The following PPARGC1B variants were observed in gnomAD, a reference collection of about 807,000 sequenced individuals.
The protein encoded by PPARGC1B is PPARG coactivator 1 beta.
Under a neutral mutation model 101.6 loss-of-function variants are expected in PPARGC1B, and 34 were observed. The ratio of observed to expected loss-of-function variants is 0.33; its 90% CI spans 0.25 to 0.45. The LOEUF is 0.45. Among genes scored for constraint, PPARGC1B ranks in the 20% least tolerant of loss-of-function variants. The pLI, the probability that PPARGC1B is intolerant of heterozygous loss-of-function variation, is 1.00. For missense variants in PPARGC1B, 1,234 were observed against 1,317.6 expected (o/e 0.94, Z 0.98); for synonymous variants, 548 against 539.3 (o/e 1.02, Z -0.22).
At chr5:149,844,508 A>G (rs1340360678) in intron 10 of PPARGC1B, among the ~76,000 whole-genome samples, 2 of 152,188 alleles carry the variant, frequency 1.3e-5, no homozygotes, top group Non-Finnish European at 2.9e-5. Context: ...GCGTGGTGGC[A>G]CATGCCTGTA....
intron 1 of PPARGC1B, among the ~76,000 whole-genome samples, chr5:149,799,503 C>G (rs1757349236): frequency 6.6e-6 from 1 of 152,024 alleles, no homozygotes; most frequent in Non-Finnish European, 1.5e-5. Context: ...AAGGGAGACC[C>G]TGGAAGCCCG....
chr5:149,852,061 TCAG>T lies in PPARGC1B; in HGVS notation c.*4510_*4512del, dbSNP rs945837921. On this transcript the variant is annotated 3_prime_UTR_variant, in exon 12 of 12. Coordinates refer to ENST00000309241, the MANE Select transcript of PPARGC1B (RefSeq NM_133263.4). ...GAGAGCAGAGATGCCTTTGGAGATG[TCAG>T]CAGCAGGAGAGCCAGTGCTGGGGCC... The T allele has an allele frequency of 2.6e-5, 4 of 152,290 alleles. No homozygotes were observed. The highest frequency in any genetic ancestry group is 9.7e-5 in the African/African-American group (4 of 41,438). The allele number at this position is 152,290 out of a possible 1,614,324, so 9.4% of individuals were successfully genotyped here.
chr5:149,766,621 T>G (rs1755920871), intron 1 of PPARGC1B, among the ~76,000 whole-genome samples: 2 of 152,194 alleles, frequency 1.3e-5, no homozygotes, highest in Non-Finnish European at 2.9e-5. Flanking sequence ...GTTCCTGGAT[T>G]CTAGAGGGTG....
intron 1 of PPARGC1B, among the ~76,000 whole-genome samples, chr5:149,756,364 A>C (rs892757512): frequency 6.6e-6 from 1 of 152,138 alleles, no homozygotes; most frequent in African/African-American, 2.4e-5. Flanking sequence ...AGGCAGGAGA[A>C]TCACTTGAAC....
intron 1 of PPARGC1B, among the ~76,000 whole-genome samples, chr5:149,806,597 G>T (rs1242926259): frequency 1.1e-5 from 1 of 89,248 alleles, no homozygotes; most frequent in Non-Finnish European, 2.2e-5. Flanking sequence ...TGTTTTTTTA[G>T]GTCTCTGGGA....
chr5:149,732,033 G>A (rs1331296740), intron 1 of PPARGC1B, among the ~76,000 whole-genome samples: 1 of 137,820 alleles, frequency 7.3e-6, no homozygotes, highest in Non-Finnish European at 1.6e-5. Context: ...TGATGAGCGG[G>A]TTGCGCGCGC....
chr5:149,757,045 A>G (rs911046343), intron 1 of PPARGC1B, among the ~76,000 whole-genome samples: 8 of 152,212 alleles, frequency 5.3e-5, no homozygotes, highest in African/African-American at 1.9e-4. Flanking sequence ...AGAGGCGGAA[A>G]ATACACAAGA....
intron 1 of PPARGC1B, among the ~76,000 whole-genome samples, chr5:149,795,670 A>G (rs536178519): frequency 2.0e-5 from 3 of 152,246 alleles, no homozygotes; most frequent in South Asian, 2.1e-4. Context: ...GCAGCTTCTG[A>G]GCGGGATGAG....
intron 1 of PPARGC1B, among the ~76,000 whole-genome samples, chr5:149,799,693 GT>G (rs11371560): frequency 0.028 from 2,156 of 76,398 alleles, 77 homozygotes; most frequent in African/African-American, 0.11. Context: ...GCTTGTTGTT[GT>G]TTTTTTTTTT....
chr5:149,780,062 G>A (rs551636440), intron 1 of PPARGC1B, among the ~76,000 whole-genome samples: 2 of 152,214 alleles, frequency 1.3e-5, no homozygotes, highest in African/African-American at 4.8e-5. Flanking sequence ...CCACCTAGGG[G>A]AGTGTAAGGA....
chr5:149,833,841 C>T lies in PPARGC1B; in HGVS notation c.1705+63C>T. ...ATGGGGTGCAGCATGCCCCTCTGCA[C>T]TGGGAGCCAGGAGCCCTGTGTTCAA... On this transcript the variant is annotated intron_variant, in intron 5 of 11. Transcript: ENST00000309241. This position sits in a 1 kb window ranked among gnomAD's most constrained non-coding sequence, Gnocchi z 4.1. 3 of 1,429,822 alleles carry T rather than the reference C, an allele frequency of 2.1e-6. No homozygotes were observed. Among genetic ancestry groups the T allele is most frequent in the Non-Finnish European group, 2.7e-6 (3 of 1,096,164 alleles). The allele number at this position is 1,429,822 out of a possible 1,614,324, so 88.6% of individuals were successfully genotyped here.
At chr5:149,786,168 C>A (rs1756801496) in intron 1 of PPARGC1B, among the ~76,000 whole-genome samples, 1 of 152,160 alleles carries the variant, frequency 6.6e-6, no homozygotes, top group Admixed American at 6.5e-5. Context: ...TCTCCGCTCA[C>A]TGCAACCTTC....
rs771151642 is a variant in PPARGC1B, at chr5:149,847,555, T to C, written c.3069T>C (p.His1023=). 47 of 1,612,264 alleles carry C rather than the reference T, an allele frequency of 2.9e-5. No homozygotes were observed. The South Asian group carries it at 3.7e-4, about 13-fold the overall frequency. ...TGAAAGAGGCCCAGCAGAGCCTGCA[T>C]TGATAACAGCCTTAACCCTCGAGGA... ...SLLKEAQQSL[H] is the part of the protein sequence containing the mutation. The change falls in exon 12 of 12, where the codon CAT becomes CAC. Residue 1023 remains histidine, a synonymous_variant. Coordinates refer to ENST00000309241, the MANE Select transcript of PPARGC1B (RefSeq NM_133263.4).
intron 1 of PPARGC1B, among the ~76,000 whole-genome samples, chr5:149,755,195 C>T (rs568897989): frequency 7.9e-5 from 12 of 151,612 alleles, no homozygotes; most frequent in Admixed American, 2.6e-4. Context: ...AGGCGTGACC[C>T]ACTGTGCCTG....
chr5:149,762,434 C>T (rs1282344334), intron 1 of PPARGC1B, among the ~76,000 whole-genome samples: 1 of 152,180 alleles, frequency 6.6e-6, no homozygotes, highest in Non-Finnish European at 1.5e-5. Flanking sequence ...AGGCATGAAC[C>T]ACTGTGCCAG....
At chr5:149,731,915 A>G (rs1482171391) in intron 1 of PPARGC1B, among the ~76,000 whole-genome samples, 3 of 151,726 alleles carry the variant, frequency 2.0e-5, no homozygotes. Flanking sequence ...TGCGTAGGGG[A>G]GCCGCGGGGC....
chr5:149,855,498 G>A (rs192884711), downstream of PPARGC1B, among the ~76,000 whole-genome samples: 37 of 152,188 alleles, frequency 2.4e-4, no homozygotes, highest in African/African-American at 8.7e-4. Flanking sequence ...AGGTATTTTG[G>A]CATTGTGGTT....
chr5:149,738,830 C>T (rs527749315), intron 1 of PPARGC1B, among the ~76,000 whole-genome samples: 7 of 152,204 alleles, frequency 4.6e-5, no homozygotes, highest in Admixed American at 2.0e-4. Flanking sequence ...CTCCTGACCT[C>T]GTGATCCGCT....
chr5:149,766,279 A>G (rs1755910951), intron 1 of PPARGC1B, among the ~76,000 whole-genome samples: 3 of 152,260 alleles, frequency 2.0e-5, no homozygotes, highest in Non-Finnish European at 4.4e-5. Context: ...CTAAAATAAA[A>G]TATCTTTACT....
Sources: allele counts gnomAD v4.1 joint callset (sites outside exome capture counted in the v4.1 genomes callset), GRCh38; gene constraint gnomAD v4.1.1; non-coding constraint Gnocchi (gnomAD v3.1); transcripts MANE v1.5; gene names NCBI Gene and HGNC (gene_info 2026-07-23, HGNC 2026-07-21).